LRIT1: variants seen among roughly 807,000 people sequenced by gnomAD.
LRIT1 encodes leucine rich repeat, Ig-like and transmembrane domains 1, also known as leucine-rich repeat, immunoglobulin-like domain and transmembrane domain-containing protein 1.
Under a neutral mutation model 24.0 loss-of-function variants are expected in LRIT1, and 23 were observed. That is an observed-to-expected ratio of 0.96 (90% CI 0.69 to 1.36). LRIT1 has a LOEUF of 1.36. Ranked by LOEUF, LRIT1 falls within the 40% of genes most tolerant of loss-of-function variation. The pLI, the probability that LRIT1 is intolerant of heterozygous loss-of-function variation, is 0.00. For missense variants in LRIT1, 846 were observed against 806.3 expected (o/e 1.05, Z -0.60); for synonymous variants, 361 against 340.5 (o/e 1.06, Z -0.66).
Position 84,232,730 on chromosome 10 carries a change from T to C in LRIT1, c.1069A>G (p.Ser357Gly). ...GTCCTTGCCCATAGTGCTCCTGGGC[T>C]CCCACTGTGTTCTGTGGAAGTCGGT... ...EPPTSTEHSG[S>G]PGALWARTGG... is the part of the protein sequence containing the mutation. The change falls in exon 4 of 4, where the codon AGC becomes GGC. Residue 357 changes from serine (S) to glycine (G), a missense_variant. By Grantham distance (56) the Ser-to-Gly change is moderately conservative. Coordinates refer to ENST00000372105, the MANE Select transcript of LRIT1 (RefSeq NM_015613.3). 1 of 1,614,062 alleles carries C rather than the reference T, an allele frequency of 6.2e-7. No individual in the cohort carries two copies. The highest frequency in any genetic ancestry group is 8.5e-7 in the Non-Finnish European group (1 of 1,179,990).
intron 1 of LRIT1, among the ~76,000 whole-genome samples, chr10:84,239,822 A>G (rs1036391886): frequency 6.6e-6 from 1 of 152,218 alleles, no homozygotes; most frequent in Non-Finnish European, 1.5e-5. Context: ...GACATGCAGA[A>G]CGAGCTTTGG....
rs1345575679 is a variant in LRIT1, at chr10:84,234,089, C to T, written c.879G>A (p.Arg293=). Residue 293 remains arginine, a synonymous_variant, in exon 3 of 4, where the codon AGG becomes AGA. Coordinates refer to ENST00000372105, the MANE Select transcript of LRIT1 (RefSeq NM_015613.3). ...PEMSWRRANG[R]PLNGTVHQEV... Reference sequence around the variant, plus strand: ...CTCACATACCTGTACCATTAAGGGGCCTGCCATTGGCCCTCCTCCAGCTCA... The same window carrying T: ...CTCACATACCTGTACCATTAAGGGGTCTGCCATTGGCCCTCCTCCAGCTCA... 1 of 1,555,422 alleles carries T rather than the reference C, an allele frequency of 6.4e-7. No individual in the cohort carries two copies. The highest frequency in any genetic ancestry group is 2.3e-5 in the East Asian group (1 of 44,074).
At chr10:84,238,912 C>G (rs1021498708) in intron 1 of LRIT1, among the ~76,000 whole-genome samples, 1 of 152,218 alleles carries the variant, frequency 6.6e-6, no homozygotes, top group Non-Finnish European at 1.5e-5. Flanking sequence ...TTTTATACTA[C>G]GTAAACTGAA....
At chr10:84,235,682 C>T in intron 2 of LRIT1, among the ~76,000 whole-genome samples, 1 of 152,154 alleles carries the variant, frequency 6.6e-6, no homozygotes, top group Non-Finnish European at 1.5e-5. Flanking sequence ...GCAACCTTGG[C>T]TCACTGCAAC....
At chr10:84,233,817 C>G (rs1011226624) in intron 3 of LRIT1, among the ~76,000 whole-genome samples, 1 of 152,214 alleles carries the variant, frequency 6.6e-6, no homozygotes, top group African/African-American at 2.4e-5. Context: ...TTTGTTCTCT[C>G]AGGGTGGGCC....
In LRIT1 at chr10:84,231,622, C is replaced by T; in HGVS notation, c.*305G>A. 1 of 376,730 alleles carries T rather than the reference C, an allele frequency of 2.7e-6. No homozygotes were observed. The highest frequency in any genetic ancestry group is 3.3e-5 in the South Asian group (1 of 30,174). The allele number at this position is 376,730 out of a possible 1,614,324, so 23.3% of individuals were successfully genotyped here. ...CAAGATTTTGCTTTCATTTGTTATA[C>T]AGCAAAAGCTGACTGATACAGGCAA... On this transcript the variant is annotated 3_prime_UTR_variant, in exon 4 of 4. Transcript: ENST00000372105.
intron 3 of LRIT1, 22 bp downstream of exon 3, chr10:84,234,051 A>G (rs778862603): frequency 4.1e-6 from 6 of 1,461,984 alleles, no homozygotes; most frequent in African/African-American, 1.4e-5. Context: ...TTCTCAGTGC[A>G]GCATCCCTGT....
intron 2 of LRIT1, among the ~76,000 whole-genome samples, chr10:84,236,556 AT>A (rs1842649033): frequency 6.6e-6 from 1 of 152,244 alleles, no homozygotes; most frequent in Admixed American, 6.5e-5. Context: ...GTTGGTTAGT[AT>A]GTATGACAAA....
chr10:84,234,483 C>T (rs1462560422), intron 2 of LRIT1, 105 bp from the exon 3 acceptor site: 1 of 899,920 alleles, frequency 1.1e-6, no homozygotes, highest in African/African-American at 1.7e-5. Context: ...CATTCAGAGT[C>T]AGCAGAACTG....
In LRIT1 at chr10:84,241,301, C is replaced by A; in HGVS notation, c.122+17G>T. On this transcript the variant is annotated intron_variant, in intron 1 of 3. Coordinates refer to ENST00000372105, the MANE Select transcript of LRIT1 (RefSeq NM_015613.3). ...AATGGAGGCTGGGCTGCCCGTCCCA[C>A]GCACCCGGTACCATACCTGGCCTTG... The A allele has an allele frequency of 6.2e-7, 1 of 1,613,838 alleles. No homozygotes were observed. The highest frequency in any genetic ancestry group is 8.5e-7 in the Non-Finnish European group (1 of 1,179,922).
intron 3 of LRIT1, among the ~76,000 whole-genome samples, chr10:84,233,208 C>T (rs1842618094): frequency 6.6e-6 from 1 of 152,176 alleles, no homozygotes; most frequent in Non-Finnish European, 1.5e-5. Context: ...CTTGCTCTGT[C>T]ACCCAGGCTG....
At chr10:84,233,101 C>T (rs1029810776) in intron 3 of LRIT1, among the ~76,000 whole-genome samples, 198 bp from the exon 4 acceptor site, 2 of 152,152 alleles carry the variant, frequency 1.3e-5, no homozygotes, top group African/African-American at 4.8e-5. Context: ...GCCTCTGGAG[C>T]CCCAGGCTGA....
In LRIT1 at chr10:84,235,320, C is replaced by G. The variant is rs141465768; in HGVS notation, c.590-942G>C. Among the ~76,000 whole-genome samples, 547 of 152,250 alleles carry G rather than the reference C, an allele frequency of 3.6e-3. 5 individuals carry two copies. The highest frequency in any genetic ancestry group is 0.012 in the African/African-American group (499 of 41,542). ...GGTGCCAGTTCCTTTTCCCACCTCC[C>G]CCTCACCCCATCTCACCAGTGGTTG... is the stretch of plus-strand genomic sequence containing the variant. On this transcript the variant is annotated intron_variant, in intron 2 of 3. Transcript: ENST00000372105.
Position 84,232,755 on chromosome 10 carries a change from T to A in LRIT1, c.1044A>T (p.Pro348=). 6.2e-7 allele frequency: 1 copy of A among 1,613,688 alleles called. No individual in the cohort carries two copies. ...TCCCACTGTGTTCTGTGGAAGTCGG[T>A]GGCTCAGTGACAATCAAGGAGATAA... ...ETVISLIVTE[P]PTSTEHSGSP... Residue 348 remains proline (P), a synonymous_variant, in exon 4 of 4, where the codon CCA becomes CCT. Transcript: ENST00000372105.
rs780183101 is a variant in LRIT1 at position 84,237,487 on chromosome 10, G to A, written c.322C>T (p.Arg108Cys). The A allele has an allele frequency of 2.5e-6, 4 of 1,591,512 alleles. No homozygotes were observed. The highest frequency in any genetic ancestry group is 3.4e-6 in the Non-Finnish European group (4 of 1,173,080). The stretch of plus-strand genomic sequence containing the variant: ...CCGGGCAGCCGCAGCTCCCGCAGGC[G>A]TCGCAGGCCCCGCAGCATGAGGGCG... ...LNALMLRGLR[R>C]LRELRLPGNR... is the part of the protein sequence containing the mutation. Residue 108 changes from arginine to cysteine, a missense_variant, in exon 2 of 4, where the codon CGC becomes TGC. Physicochemically the swap from Arg to Cys is radical, Grantham distance 180 (BLOSUM62 -3). Coordinates refer to ENST00000372105, the MANE Select transcript of LRIT1 (RefSeq NM_015613.3).
intron 2 of LRIT1, among the ~76,000 whole-genome samples, chr10:84,236,374 A>C (rs1466447299): frequency 6.6e-6 from 1 of 152,256 alleles, no homozygotes; most frequent in African/African-American, 2.4e-5. Context: ...AAACAATGTA[A>C]AAGTCCATTA....
chr10:84,237,933 G>A (rs1301059385), intron 1 of LRIT1, among the ~76,000 whole-genome samples: 1 of 152,128 alleles, frequency 6.6e-6, no homozygotes, highest in Admixed American at 6.5e-5. Context: ...TCACGGTCCG[G>A]CAAGACCCCA....
intron 2 of LRIT1, among the ~76,000 whole-genome samples, chr10:84,235,697 G>T (rs113527684): frequency 0.1 from 15,320 of 152,024 alleles, 811 homozygotes; most frequent in Middle Eastern, 0.24. Flanking sequence ...TGCAACCTCC[G>T]CCTTCTGGGT....
intron 3 of LRIT1, 34 bp downstream of exon 3, chr10:84,234,039 G>C: frequency 7.1e-7 from 1 of 1,415,458 alleles, no homozygotes; most frequent in Non-Finnish European, 9.2e-7. Flanking sequence ...CCCCAGTCTA[G>C]GTTCTCAGTG....
Sources: gnomAD v4.1 joint callset for allele counts (sites outside exome capture counted in the v4.1 genomes callset) on GRCh38, gnomAD v4.1.1 for gene constraint, MANE v1.5 for transcripts, NCBI Gene and HGNC (gene_info 2026-07-23, HGNC 2026-07-21) for gene names.